The following SMAD3 variants were observed in gnomAD, a reference collection of about 807,000 sequenced individuals.
SMAD3 encodes the protein SMAD family member 3, also known as MAD homolog 3.
In SMAD3, 12 loss-of-function variants were observed where a neutral mutation model predicts 51.8. That is an observed-to-expected ratio of 0.23 (90% CI 0.15 to 0.38). The LOEUF is 0.38. Ranked by LOEUF, SMAD3 falls within the 10% of genes least tolerant of loss-of-function variation. The probability of loss-of-function intolerance (pLI) is 1.00; values close to 1 mark genes in which losing one functional copy is unlikely to be tolerated. For synonymous variants in SMAD3, 238 were observed against 227.7 expected (o/e 1.05, Z -0.41); for missense variants, 294 against 565.6 (o/e 0.52, Z 4.87).
chr15:67,101,071 T>G (rs898820442), intron 1 of SMAD3, among the ~76,000 whole-genome samples: 20 of 152,180 alleles, frequency 1.3e-4, no homozygotes, highest in African/African-American at 4.6e-4. Flanking sequence ...GGCTTTGTAG[T>G]AGAAATAGAA....
At chr15:67,115,430 T>C (rs1961113398) in intron 1 of SMAD3, among the ~76,000 whole-genome samples, 1 of 152,196 alleles carries the variant, frequency 6.6e-6, no homozygotes, top group Admixed American at 6.5e-5. Flanking sequence ...ACAGAAAAGT[T>C]GTTTTGGCTC....
intron 5 of SMAD3, 86 bp from the exon 6 acceptor site, chr15:67,181,155 G>A: frequency 2.0e-6 from 2 of 1,008,996 alleles, no homozygotes; most frequent in South Asian, 2.7e-5. Flanking sequence ...CGGGGAAATG[G>A]TTTTCCAGAG....
At chr15:67,141,588 G>A (rs1379147586) in intron 1 of SMAD3, among the ~76,000 whole-genome samples, 1 of 152,176 alleles carries the variant, frequency 6.6e-6, no homozygotes. Flanking sequence ...CCCTTGTCTG[G>A]CAGTCCCTGA....
intron 1 of SMAD3, among the ~76,000 whole-genome samples, chr15:67,072,928 T>A (rs964655044): frequency 2.0e-5 from 3 of 152,236 alleles, no homozygotes; most frequent in Non-Finnish European, 4.4e-5. Context: ...CAGTTCATTT[T>A]TATGCCTTCC....
chr15:67,157,170 A>G (rs975899265), intron 1 of SMAD3, among the ~76,000 whole-genome samples: 1 of 152,278 alleles, frequency 6.6e-6, no homozygotes, highest in African/African-American at 2.4e-5. Context: ...AAAGTTCGGT[A>G]TTAAGAGCAT....
intron 5 of SMAD3, among the ~76,000 whole-genome samples, chr15:67,176,637 T>C (rs1227187859): frequency 6.6e-6 from 1 of 152,258 alleles, no homozygotes; most frequent in Non-Finnish European, 1.5e-5. Flanking sequence ...TCTGTTTTCT[T>C]TTTCTTAAAC....
intron 4 of SMAD3, among the ~76,000 whole-genome samples, 187 bp from the exon 5 acceptor site, chr15:67,170,367 G>T (rs1285459307): frequency 6.6e-6 from 1 of 152,294 alleles, no homozygotes; most frequent in East Asian, 1.9e-4. Flanking sequence ...TTCCAGACAA[G>T]AAATTGGGGC....
At position 67,184,177 on chromosome 15, in the gene SMAD3, C is replaced by T. The variant is rs141865054; in HGVS notation, c.872-550C>T. 3.0e-3 allele frequency among the ~76,000 whole-genome samples: 444 copies of T among 150,468 alleles called. 3 individuals carry two copies. Among genetic ancestry groups the T allele is most frequent in the African/African-American group, 0.01 (414 of 40,774 alleles). Reference sequence around the variant, plus strand: ...AGTGCAGTGGTGTGATGGGAGCTCACGGCAGTCTTGAACCCCTGGGCTCAA... The same window carrying T: ...AGTGCAGTGGTGTGATGGGAGCTCATGGCAGTCTTGAACCCCTGGGCTCAA... On this transcript the variant is annotated intron_variant, in intron 6 of 8. Transcript: ENST00000327367.
At chr15:67,105,857 C>A (rs1325003988) in intron 1 of SMAD3, among the ~76,000 whole-genome samples, 1 of 152,176 alleles carries the variant, frequency 6.6e-6, no homozygotes, top group Non-Finnish European at 1.5e-5. Flanking sequence ...GAAGGTCTTG[C>A]TTGAGCATGT....
At chr15:67,178,293 G>A (rs759276780) in intron 5 of SMAD3, among the ~76,000 whole-genome samples, 9 of 152,288 alleles carry the variant, frequency 5.9e-5, no homozygotes, top group Non-Finnish European at 1.3e-4. Context: ...TTTTTTGAAT[G>A]GTGGGCTGGG....
At chr15:67,170,501 C>A in intron 4 of SMAD3, 53 bp from the exon 5 acceptor site, 1 of 1,492,640 alleles carries the variant, frequency 6.7e-7, no homozygotes, top group Non-Finnish European at 9.3e-7. Context: ...AGTAACTTGG[C>A]TCTCCAGGCC....
At chr15:67,087,848 CCT>C (rs1438526732) in intron 1 of SMAD3, among the ~76,000 whole-genome samples, 2 of 152,200 alleles carry the variant, frequency 1.3e-5, no homozygotes, top group Non-Finnish European at 2.9e-5. Flanking sequence ...GTAAACATCT[CCT>C]CCCTTTTTAC....
intron 1 of SMAD3, among the ~76,000 whole-genome samples, chr15:67,084,070 C>CTTTTTTTTTTTTTTTTT (rs56675753): frequency 5.9e-5 from 5 of 85,072 alleles, no homozygotes; most frequent in Admixed American, 1.6e-4. Context: ...CTTTTTTTTT[C>CTTTTTTTTTTTTTTTTT]TTTTTTTTTT....
chr15:67,142,738 T>G, intron 1 of SMAD3: 1 of 357,586 alleles, frequency 2.8e-6, no homozygotes, highest in Non-Finnish European at 5.7e-6. Flanking sequence ...CTGTGCTAAG[T>G]AACAGTGGAG....
At chr15:67,070,546 C>T (rs1219827638) in intron 1 of SMAD3, among the ~76,000 whole-genome samples, 3 of 151,748 alleles carry the variant, frequency 2.0e-5, no homozygotes, top group African/African-American at 4.9e-5. Context: ...TGCAGAGACA[C>T]GTTTGAGAAG....
At chr15:67,068,494 G>C (rs1959979001) in intron 1 of SMAD3, among the ~76,000 whole-genome samples, 1 of 152,308 alleles carries the variant, frequency 6.6e-6, no homozygotes, top group East Asian at 1.9e-4. Flanking sequence ...CCAAAGTCCT[G>C]CTGAGACTTT....
chr15:67,125,550 C>T (rs1684917541), intron 1 of SMAD3, among the ~76,000 whole-genome samples: 1 of 152,222 alleles, frequency 6.6e-6, no homozygotes, highest in Non-Finnish European at 1.5e-5. Flanking sequence ...AGGAGTTAAC[C>T]ACTTTTTAGG....
chr15:67,143,026 C>G (rs1200288325), intron 1 of SMAD3: 1 of 242,596 alleles, frequency 4.1e-6, no homozygotes, highest in East Asian at 1.4e-4. Flanking sequence ...TCTCCGTGCA[C>G]CAGCCCTGTG....
chr15:67,160,499 G>A (rs1423412362), intron 1 of SMAD3, among the ~76,000 whole-genome samples: 2 of 152,116 alleles, frequency 1.3e-5, no homozygotes, highest in Non-Finnish European at 2.9e-5. Context: ...TTGGCTGGGC[G>A]CAGTGGCTCA....
Sources: gnomAD v4.1 joint callset for allele counts (sites outside exome capture counted in the v4.1 genomes callset) on GRCh38, gnomAD v4.1.1 for gene constraint, MANE v1.5 for transcripts, NCBI Gene and HGNC (gene_info 2026-07-23, HGNC 2026-07-21) for gene names.